Variants in MGAT4C observed in about 807,000 individuals in gnomAD.
MGAT4C encodes the protein alpha-1,3-mannosyl-glycoprotein 4-beta-N-acetylglucosaminyltransferase C.
In MGAT4C, 19 loss-of-function variants were observed where a neutral mutation model predicts 40.1. The observed-to-expected ratio is 0.47, with a 90% CI of 0.33 to 0.70. The LOEUF (loss-of-function observed/expected upper bound fraction) is 0.70, where lower values mean the gene tolerates loss of function less well. Ranked by LOEUF, MGAT4C falls within the 30% of genes least tolerant of loss-of-function variation. The probability of loss-of-function intolerance (pLI) is 0.02; values close to 1 mark genes in which losing one functional copy is unlikely to be tolerated. For synonymous variants in MGAT4C, 181 were observed against 187.1 expected (o/e 0.97, Z 0.27); for missense variants, 491 against 563.2 (o/e 0.87, Z 1.30).
chr12:86,769,514 G>A (rs188111556), intron 1 of MGAT4C, among the ~76,000 whole-genome samples: 362 of 152,150 alleles, frequency 2.4e-3, no homozygotes, highest in African/African-American at 8.3e-3. Context: ...CCCGTTATTG[G>A]GTATATACCC....
chr12:86,338,101 C>A (rs1479042500), intron 3 of MGAT4C, among the ~76,000 whole-genome samples: 4 of 152,072 alleles, frequency 2.6e-5, no homozygotes, highest in Non-Finnish European at 5.9e-5. Flanking sequence ...ATGCAGAGCC[C>A]ACTGTGTGGG....
At chr12:86,138,591 C>CCATATATATATTTCCATAGATATAT (rs1227726738) in intron 1 of MGAT4C, among the ~76,000 whole-genome samples, 73 of 142,478 alleles carry the variant, frequency 5.1e-4, no homozygotes, top group African/African-American at 1.4e-3. Context: ...ATATATATTT[C>CCATATATATATTTCCATAGATATAT]CATATATATA....
intron 2 of MGAT4C, among the ~76,000 whole-genome samples, chr12:86,644,979 G>A (rs971722973): frequency 1.3e-5 from 2 of 151,522 alleles, no homozygotes; most frequent in Non-Finnish European, 3.0e-5. Flanking sequence ...TGTGATTTCT[G>A]CATTCTTTTG....
intron 2 of MGAT4C, among the ~76,000 whole-genome samples, chr12:86,466,756 T>TC (rs1442066137): frequency 1.3e-5 from 2 of 152,194 alleles, no homozygotes; most frequent in Non-Finnish European, 2.9e-5. Context: ...GGGATGCAGA[T>TC]AATTGAGGAG....
At chr12:86,675,900 C>T (rs1401453804) in intron 2 of MGAT4C, among the ~76,000 whole-genome samples, 1 of 151,768 alleles carries the variant, frequency 6.6e-6, no homozygotes, top group African/African-American at 2.4e-5. Flanking sequence ...GTCACCCTAA[C>T]CAGTCTATCA....
intron 4 of MGAT4C, among the ~76,000 whole-genome samples, chr12:86,290,459 T>G (rs907532890): frequency 5.4e-5 from 5 of 92,408 alleles, no homozygotes; most frequent in African/African-American, 2.1e-4. Flanking sequence ...CAGCATTGAT[T>G]ATACAGACTA....
intron 1 of MGAT4C, among the ~76,000 whole-genome samples, chr12:86,055,298 T>A (rs910672127): frequency 2.0e-5 from 3 of 152,102 alleles, no homozygotes; most frequent in African/African-American, 7.2e-5. Flanking sequence ...GATTAATTTC[T>A]GGGCTTCAGG....
At chr12:86,763,494 A>G (rs1363780291) in intron 1 of MGAT4C, among the ~76,000 whole-genome samples, 1 of 152,176 alleles carries the variant, frequency 6.6e-6, no homozygotes, top group African/African-American at 2.4e-5. Context: ...TATGTACTCA[A>G]TTTATAAACA....
chr12:86,093,028 CCT>C (rs1416730250), intron 1 of MGAT4C, among the ~76,000 whole-genome samples: 1 of 152,022 alleles, frequency 6.6e-6, no homozygotes. Context: ...TTGACAGACC[CCT>C]GTGTGTGATA....
chr12:86,150,577 T>G (rs1167658424), intron 1 of MGAT4C, among the ~76,000 whole-genome samples: 3 of 152,198 alleles, frequency 2.0e-5, no homozygotes, highest in Non-Finnish European at 4.4e-5. Flanking sequence ...CAAGTTCTAT[T>G]AAGAGTTCCT....
intron 3 of MGAT4C, among the ~76,000 whole-genome samples, chr12:86,404,593 G>A (rs1040648752): frequency 1.3e-5 from 2 of 152,028 alleles, no homozygotes; most frequent in Admixed American, 6.6e-5. Flanking sequence ...TAACCTAGTG[G>A]TACTAATTTT....
At position 86,681,473 on chromosome 12, in the gene MGAT4C, A is replaced by G. The variant is rs1949979863; in HGVS notation, c.-229+45736T>C. On this transcript the variant is annotated intron_variant, in intron 2 of 7. Coordinates refer to the MGAT4C transcript ENST00000548651. ...TCAGATTTTCTTTTAATTATAAATG[A>G]TGGTTAAAGATAATGCCAATAAATT... is the stretch of plus-strand genomic sequence containing the variant. Among the ~76,000 whole-genome samples, 5 of 151,892 alleles carry G rather than the reference A, an allele frequency of 3.3e-5. No individual in the cohort carries two copies. The South Asian group carries it at 1.0e-3, about 31-fold the overall frequency.
At chr12:86,434,025 C>T (rs1179733823) in intron 3 of MGAT4C, among the ~76,000 whole-genome samples, 1 of 151,954 alleles carries the variant, frequency 6.6e-6, no homozygotes, top group Non-Finnish European at 1.5e-5. Flanking sequence ...TTATTGGCAA[C>T]TTATTAGACA....
At chr12:86,471,833 T>C (rs954100814) in intron 2 of MGAT4C, among the ~76,000 whole-genome samples, 5 of 152,132 alleles carry the variant, frequency 3.3e-5, no homozygotes, top group Admixed American at 1.3e-4. Context: ...ATAGTATTAC[T>C]TGAAAATGCT....
chr12:86,323,239 A>G (rs1954439407), intron 4 of MGAT4C, among the ~76,000 whole-genome samples: 1 of 151,646 alleles, frequency 6.6e-6, no homozygotes, highest in South Asian at 2.1e-4. Flanking sequence ...ATAAATACAT[A>G]TATTATTCAA....
At chr12:86,293,520 G>T (rs1953578875) in intron 4 of MGAT4C, among the ~76,000 whole-genome samples, 1 of 152,196 alleles carries the variant, frequency 6.6e-6, no homozygotes, top group African/African-American at 2.4e-5. Context: ...TCTACCTATT[G>T]AAGAAATCTG....
intron 2 of MGAT4C, among the ~76,000 whole-genome samples, chr12:86,479,983 G>A (rs189559691): frequency 2.7e-4 from 41 of 151,752 alleles, no homozygotes; most frequent in Admixed American, 1.3e-3. Context: ...TAATTTAACC[G>A]TTAGTCAATT....
intron 4 of MGAT4C, among the ~76,000 whole-genome samples, chr12:86,286,917 C>A (rs1953366444): frequency 6.6e-6 from 1 of 152,124 alleles, no homozygotes; most frequent in South Asian, 2.1e-4. Flanking sequence ...AGGACAGGAT[C>A]TCATTCTTTT....
rs1039956833 is a variant in MGAT4C at position 86,111,067 on chromosome 12, T to G, written c.-56-61344A>C. ...ACAAATACTAATTTATTTTATGAAT[T>G]TAATAAAATGTTAAAGTAACTTTTA... is the stretch of plus-strand genomic sequence containing the variant. On this transcript the variant is annotated intron_variant, in intron 1 of 4. Coordinates refer to ENST00000611864, the MANE Select transcript of MGAT4C (RefSeq NM_001351288.2). 8.6e-5 allele frequency among the ~76,000 whole-genome samples: 13 copies of G among 151,790 alleles called. 1 individual carries two copies. The highest frequency in any genetic ancestry group is 6.6e-4 in the Admixed American group (10 of 15,196).
Sources: allele counts gnomAD v4.1 joint callset (sites outside exome capture counted in the v4.1 genomes callset), GRCh38; gene constraint gnomAD v4.1.1; transcripts MANE v1.5; gene names NCBI Gene and HGNC (gene_info 2026-07-23, HGNC 2026-07-21).